Variants in GRM1 observed in about 807,000 individuals in gnomAD.
GRM1 encodes the protein metabotropic glutamate receptor 1.
A neutral mutation model predicts 90.9 loss-of-function variants in GRM1; 33 were observed. The observed-to-expected ratio is 0.36, with a 90% CI of 0.28 to 0.49. The LOEUF is 0.49. Among genes scored for constraint, GRM1 ranks in the 20% least tolerant of loss-of-function variants. The pLI, the probability that GRM1 is intolerant of heterozygous loss-of-function variation, is 0.99. For synonymous variants in GRM1, 700 were observed against 613.2 expected (o/e 1.14, Z -2.09); for missense variants, 1,190 against 1,534.3 (o/e 0.78, Z 3.75).
At chr6:146,285,926 A>G (rs1782751951) in intron 2 of GRM1, among the ~76,000 whole-genome samples, 2 of 152,192 alleles carry the variant, frequency 1.3e-5, no homozygotes, top group Admixed American at 1.3e-4. Context: ...TATTTTTAAT[A>G]CGTTGAATGA....
At chr6:146,089,190 G>T (rs184037962) in intron 1 of GRM1, among the ~76,000 whole-genome samples, 1 of 152,238 alleles carries the variant, frequency 6.6e-6, no homozygotes, top group Admixed American at 6.5e-5. Flanking sequence ...AAGCCCATCT[G>T]GCAAGGCACT....
intron 1 of GRM1, among the ~76,000 whole-genome samples, chr6:146,143,648 A>G (rs903784708): frequency 6.6e-6 from 1 of 152,242 alleles, no homozygotes; most frequent in African/African-American, 2.4e-5. Flanking sequence ...TGGCTGCACA[A>G]CAAATGCTTT....
At chr6:146,249,934 G>A (rs1781212332) in intron 2 of GRM1, among the ~76,000 whole-genome samples, 1 of 152,178 alleles carries the variant, frequency 6.6e-6, no homozygotes, top group Admixed American at 6.5e-5. Flanking sequence ...CTGCTGACAT[G>A]GAGTCAAAGG....
At chr6:146,256,009 G>C (rs749492870) in intron 2 of GRM1, among the ~76,000 whole-genome samples, 1 of 152,130 alleles carries the variant, frequency 6.6e-6, no homozygotes, top group Non-Finnish European at 1.5e-5. Flanking sequence ...CTAACCAGTA[G>C]GCATTTCCCA....
At chr6:146,246,531 T>C (rs1056138786) in intron 2 of GRM1, among the ~76,000 whole-genome samples, 1 of 152,230 alleles carries the variant, frequency 6.6e-6, no homozygotes, top group Non-Finnish European at 1.5e-5. Flanking sequence ...TAAGTACTAT[T>C]TATTAATAGC....
chr6:146,372,190 A>G (rs1775929093), intron 5 of GRM1, among the ~76,000 whole-genome samples: 1 of 151,988 alleles, frequency 6.6e-6, no homozygotes, highest in South Asian at 2.1e-4. Context: ...TGTAGTTTTG[A>G]TTTGCATTTC....
intron 5 of GRM1, among the ~76,000 whole-genome samples, chr6:146,368,270 G>GA (rs1354061762): frequency 1.5e-4 from 18 of 117,134 alleles, no homozygotes; most frequent in African/African-American, 5.8e-4. Context: ...TGGGGGGGGG[G>GA]GTAGAATCTT....
chr6:146,184,416 C>G (rs1562515721), intron 2 of GRM1, among the ~76,000 whole-genome samples: 1 of 151,958 alleles, frequency 6.6e-6, no homozygotes, highest in Non-Finnish European at 1.5e-5. Context: ...CTAATTGTGG[C>G]TGATAAGTTT....
intron 1 of GRM1, among the ~76,000 whole-genome samples, chr6:146,114,550 C>G (rs923689323): frequency 2.0e-5 from 3 of 151,904 alleles, no homozygotes; most frequent in Non-Finnish European, 2.9e-5. Flanking sequence ...AATTAAGATG[C>G]CTTCACTCAG....
chr6:146,046,962 G>A (rs1791355404), intron 1 of GRM1, among the ~76,000 whole-genome samples: 1 of 151,956 alleles, frequency 6.6e-6, no homozygotes, highest in Non-Finnish European at 1.5e-5. Flanking sequence ...TTACATGATA[G>A]CTAGTGTTAC....
At chr6:146,228,715 C>T (rs968047794) in intron 2 of GRM1, among the ~76,000 whole-genome samples, 1 of 152,106 alleles carries the variant, frequency 6.6e-6, no homozygotes, top group Non-Finnish European at 1.5e-5. Context: ...TTATTGCAGT[C>T]CACACCCTGT....
rs969640018 is a variant in GRM1 at position 146,436,449 on chromosome 6, C to A, written c.*1653C>A. Reference sequence around the variant, plus strand: ...GCATTTAGATTATTCCAGGTTATATCATTTTTTTAAAGATTTTCCACAGCT... The same window carrying A: ...GCATTTAGATTATTCCAGGTTATATAATTTTTTTAAAGATTTTCCACAGCT... On this transcript the variant is annotated 3_prime_UTR_variant, in exon 8 of 8. Transcript: ENST00000282753. 3 of 152,174 alleles carry A rather than the reference C, an allele frequency of 2.0e-5. No homozygotes were observed. Among genetic ancestry groups the A allele is most frequent in the Non-Finnish European group, 4.4e-5 (3 of 68,014 alleles). The allele number at this position is 152,174 out of a possible 1,614,324, so 9.4% of individuals were successfully genotyped here.
intron 5 of GRM1, among the ~76,000 whole-genome samples, chr6:146,379,944 C>G (rs1583414800): frequency 6.6e-6 from 1 of 152,114 alleles, no homozygotes; most frequent in Non-Finnish European, 1.5e-5. Context: ...CTCTCTCTCT[C>G]TCTCTCTCTC....
At position 146,280,372 on chromosome 6, in the gene GRM1, C is replaced by A. The variant is rs551620254; in HGVS notation, c.951-24239C>A. Among the ~76,000 whole-genome samples the A allele has an allele frequency of 7.2e-5, 11 of 152,262 alleles. 1 individual carries two copies. The South Asian group carries it at 2.3e-3, about 32-fold the overall frequency. On this transcript the variant is annotated intron_variant, in intron 2 of 7. Coordinates refer to ENST00000282753, the MANE Select transcript of GRM1 (RefSeq NM_001278064.2). ...TAGTGTTATTTAAGGGAGAACTTAA[C>A]ACATGATGACTATGATTCTTTCATA...
chr6:146,127,370 G>C (rs1272889392), intron 1 of GRM1, among the ~76,000 whole-genome samples: 2 of 152,130 alleles, frequency 1.3e-5, no homozygotes, highest in African/African-American at 2.4e-5. Context: ...GGCAGTATAA[G>C]CTGGTAGTGA....
At position 146,357,044 on chromosome 6, in the gene GRM1, G is replaced by T. The variant is rs544436026; in HGVS notation, c.1434-482G>T. ...CTCAACATCCTTAGTAATTAAAGATGCCTTTCTCAGATTTCTTGCTCTATT... is the reference window on the plus strand; with the variant it reads ...CTCAACATCCTTAGTAATTAAAGATTCCTTTCTCAGATTTCTTGCTCTATT... On this transcript the variant is annotated intron_variant, in intron 4 of 7. Coordinates refer to ENST00000282753, the MANE Select transcript of GRM1 (RefSeq NM_001278064.2). Among the ~76,000 whole-genome samples the T allele has an allele frequency of 1.4e-4, 21 of 152,274 alleles. No homozygotes were observed. In the South Asian group the frequency reaches 4.3e-3, roughly 32 times the overall value.
intron 2 of GRM1, among the ~76,000 whole-genome samples, chr6:146,272,877 T>C (rs1401024046): frequency 3.3e-5 from 5 of 152,132 alleles, no homozygotes; most frequent in Admixed American, 2.0e-4. Context: ...TAAAGGAACA[T>C]AGACATTATT....
intron 2 of GRM1, among the ~76,000 whole-genome samples, chr6:146,230,462 GAT>G (rs1780410746): frequency 6.6e-6 from 1 of 152,046 alleles, no homozygotes; most frequent in Non-Finnish European, 1.5e-5. Context: ...ACAAAAAAGA[GAT>G]ATCACCACAA....
chr6:146,408,359 A>C (rs1777431312), intron 7 of GRM1, among the ~76,000 whole-genome samples: 1 of 152,140 alleles, frequency 6.6e-6, no homozygotes, highest in Non-Finnish European at 1.5e-5. Context: ...CTTTCAAATT[A>C]CTAGTCCTTG....
Sources: gnomAD v4.1 joint callset for allele counts (sites outside exome capture counted in the v4.1 genomes callset) on GRCh38, gnomAD v4.1.1 for gene constraint, MANE v1.5 for transcripts, NCBI Gene and HGNC (gene_info 2026-07-23, HGNC 2026-07-21) for gene names.